PPP1R12C: variants seen among roughly 807,000 people sequenced by gnomAD.
PPP1R12C encodes leukocyte receptor cluster (LRC) encoded novel gene 3.
Under a neutral mutation model 95.6 loss-of-function variants are expected in PPP1R12C, and 48 were observed. The observed-to-expected ratio is 0.50, with a 90% CI of 0.40 to 0.64. The LOEUF (loss-of-function observed/expected upper bound fraction) is 0.64. Ranked by LOEUF, PPP1R12C falls within the 30% of genes least tolerant of loss-of-function variation. PPP1R12C has a pLI of 0.00. For synonymous variants in PPP1R12C, 480 were observed against 460.8 expected, an observed-to-expected ratio of 1.04 and a Z score of -0.53; for missense variants, 1,057 against 1,083.3, an observed-to-expected ratio of 0.98 and a Z score of 0.34.
In PPP1R12C at chr19:55,109,851, G is replaced by A. The variant is rs563177017; in HGVS notation, c.571+2616C>T. The stretch of plus-strand genomic sequence containing the variant: ...CCCTCTGAGGCTCCTGTGTGGAGCC[G>A]GGTGTCACAGGGTGTCACAGGCAGT... On this transcript the variant is annotated intron_variant, in intron 3 of 21. Coordinates refer to ENST00000263433, the MANE Select transcript of PPP1R12C (RefSeq NM_017607.4). The surrounding 1 kb of genome is among the most constrained non-coding windows in gnomAD (Gnocchi z 4.4). 9.9e-5 allele frequency among the ~76,000 whole-genome samples: 15 copies of A among 152,098 alleles called. No individual in the cohort carries two copies. The East Asian group carries it at 1.4e-3, about 14-fold the overall frequency.
Position 55,092,678 on chromosome 19 carries a change from C to CG in PPP1R12C, c.1912-17dup. 1.3e-6 allele frequency: 2 copies of CG among 1,528,328 alleles called. No individual in the cohort carries two copies. The highest frequency in any genetic ancestry group is 1.8e-6 in the Non-Finnish European group (2 of 1,139,194). 94.7% of individuals were successfully genotyped at this position (1,528,328 alleles called of 1,614,324 possible). A position where few individuals can be genotyped will look rare whatever the true frequency, so the allele number is the denominator to read the frequency against. On this transcript the variant is annotated splice_polypyrimidine_tract_variant and intron_variant, in intron 16 of 21. Transcript: ENST00000263433. The stretch of plus-strand genomic sequence containing the variant: ...CCTCCTCCCCCTGTGGGCAGGTAGA[C>CG]GGGGGTTCAATGGGTATGGGAGGGA...
At position 55,092,813 on chromosome 19, in the gene PPP1R12C, C is replaced by T. The variant is rs1427094794; in HGVS notation, c.1881G>A (p.Lys627=). 1.2e-5 allele frequency: 18 copies of T among 1,563,740 alleles called. No homozygotes were observed. Among genetic ancestry groups the T allele is most frequent in the East Asian group, 2.4e-5 (1 of 41,782 alleles). The change falls in exon 16 of 22, where the codon AAG becomes AAA. Residue 627 remains lysine (K), a synonymous_variant. Transcript: ENST00000263433. ...CAGGCCCCCTCCACTCCTTTCCGAC[C>T]TTGCGGTGCTCCCTGGCCGCCTGCG... ...PGPQAAREHR[K]VGKEWRGPAE...
At chr19:55,105,869 G>A (rs563874705) in intron 3 of PPP1R12C, among the ~76,000 whole-genome samples, 198 of 151,882 alleles carry the variant, frequency 1.3e-3, no homozygotes, top group Non-Finnish European at 2.3e-3. Context: ...TTGGGCCCAC[G>A]AGGTCAAGGC....
intron 6 of PPP1R12C, among the ~76,000 whole-genome samples, 165 bp downstream of exon 6, chr19:55,098,619 G>C (rs988990880): frequency 2.6e-5 from 4 of 152,236 alleles, no homozygotes; most frequent in Non-Finnish European, 4.4e-5. Context: ...CCCGGCTGGG[G>C]GTCTCTCCTG....
chr19:55,094,806 A>G lies in PPP1R12C; in HGVS notation c.1455-8T>C, dbSNP rs1212489169. ...GGCTTGGTGACCTCAGACCTGCATC[A>G]ATTCATTCATTCCACAAACATTACC... On this transcript the variant is annotated splice_region_variant and splice_polypyrimidine_tract_variant and intron_variant, in intron 11 of 21. Transcript: ENST00000263433. 2.0e-5 allele frequency: 32 copies of G among 1,585,132 alleles called. No homozygotes were observed. Among genetic ancestry groups the G allele is most frequent in the Admixed American group, 1.3e-4 (7 of 54,222 alleles).
intron 6 of PPP1R12C, among the ~76,000 whole-genome samples, chr19:55,097,663 G>A (rs2084937513): frequency 6.9e-6 from 1 of 145,832 alleles, no homozygotes; most frequent in African/African-American, 2.6e-5. Flanking sequence ...GTTCACCACC[G>A]TCTTCGCCCC....
intron 3 of PPP1R12C, among the ~76,000 whole-genome samples, chr19:55,104,362 T>G (rs994622626): frequency 2.6e-5 from 4 of 151,012 alleles, no homozygotes; most frequent in African/African-American, 9.7e-5. Context: ...GTAACATATA[T>G]AGACAGAAGT....
At chr19:55,113,733 T>C (rs1159255867) in intron 1 of PPP1R12C, 3 of 557,026 alleles carry the variant, frequency 5.4e-6, no homozygotes, top group Non-Finnish European at 7.9e-6. Context: ...CATGAGGTCA[T>C]GGAAACTCGG....
At chr19:55,097,747 C>A (rs899789937) in intron 6 of PPP1R12C, among the ~76,000 whole-genome samples, 1 of 152,230 alleles carries the variant, frequency 6.6e-6, no homozygotes, top group Non-Finnish European at 1.5e-5. Context: ...TTCTAGCAAA[C>A]TCTTAGTGCT....
Position 55,117,606 on chromosome 19 carries a change from C to T in PPP1R12C, c.-63G>A, listed in dbSNP as rs1349656866. On this transcript the variant is annotated 5_prime_UTR_variant, in exon 1 of 22. Transcript: ENST00000263433. ...AGCCCCAACCGCCGCCACCACCCGC[C>T]CGCCCGCCCGCCCCGGGGGCCGCCG... 2 of 937,678 alleles carry T rather than the reference C, an allele frequency of 2.1e-6. No individual in the cohort carries two copies. Among genetic ancestry groups the T allele is most frequent in the African/African-American group, 1.8e-5 (1 of 55,094 alleles). The allele number at this position is 937,678 out of a possible 1,614,324, so 58.1% of individuals were successfully genotyped here.
At chr19:55,092,734 C>A (rs1483932435) in intron 16 of PPP1R12C, 49 bp downstream of exon 16, 7 of 1,530,924 alleles carry the variant, frequency 4.6e-6, no homozygotes, top group Non-Finnish European at 6.2e-6. Flanking sequence ...GCTTTGCCCG[C>A]CCCCCGGCCC....
At chr19:55,092,153 C>T in intron 19 of PPP1R12C, 69 bp downstream of exon 19, 1 of 1,397,326 alleles carries the variant, frequency 7.2e-7, no homozygotes. Context: ...CAGGCTCTAC[C>T]TCCCAGCAGT....
chr19:55,105,458 T>C (rs2085028113), intron 3 of PPP1R12C, among the ~76,000 whole-genome samples: 2 of 150,468 alleles, frequency 1.3e-5, no homozygotes, highest in Non-Finnish European at 3.0e-5. Flanking sequence ...CTTGTGGGTG[T>C]TGACCACCTG....
Position 55,095,922 on chromosome 19 carries a change from G to C in PPP1R12C, c.1172C>G (p.Pro391Arg). ...EGPTEPPPAE[P>R]RTLNGVSSPP... is the part of the protein sequence containing the mutation. ...GGAGGAGACGCCATTGAGGGTTCTGGGTTCTGCAGGGGGTGGTTCTGTGAT... is the reference window on the plus strand; with the variant it reads ...GGAGGAGACGCCATTGAGGGTTCTGCGTTCTGCAGGGGGTGGTTCTGTGAT... The change falls in exon 9 of 22, where the codon CCC becomes CGC. Residue 391 changes from proline to arginine, a missense_variant. Physicochemically the swap from Pro to Arg is moderately radical, Grantham distance 103 (BLOSUM62 -2). Coordinates refer to ENST00000263433, the MANE Select transcript of PPP1R12C (RefSeq NM_017607.4). The C allele has an allele frequency of 6.2e-7, 1 of 1,613,262 alleles. No homozygotes were observed. Among genetic ancestry groups the C allele is most frequent in the Non-Finnish European group, 8.5e-7 (1 of 1,179,918 alleles).
At position 55,109,762 on chromosome 19, in the gene PPP1R12C, G is replaced by A. The variant is rs1377536131; in HGVS notation, c.571+2705C>T. Among the ~76,000 whole-genome samples, 2 of 152,216 alleles carry A rather than the reference G, an allele frequency of 1.3e-5. No homozygotes were observed. Among genetic ancestry groups the A allele is most frequent in the Non-Finnish European group, 2.9e-5 (2 of 68,040 alleles). On this transcript the variant is annotated intron_variant, in intron 3 of 21. Coordinates refer to ENST00000263433, the MANE Select transcript of PPP1R12C (RefSeq NM_017607.4). The surrounding 1 kb of genome is among the most constrained non-coding windows in gnomAD (Gnocchi z 4.4). ...CATGTGGGCGTGTCCTGCAGGGGGTGCAAAAGACCCGCCCTCCTTAGAGCT... is the reference window on the plus strand; with the variant it reads ...CATGTGGGCGTGTCCTGCAGGGGGTACAAAAGACCCGCCCTCCTTAGAGCT...
At chr19:55,108,720 GT>G (rs1454596238) in intron 3 of PPP1R12C, among the ~76,000 whole-genome samples, 2 of 151,950 alleles carry the variant, frequency 1.3e-5, no homozygotes, top group Non-Finnish European at 2.9e-5. Context: ...TTTGTTTTTT[GT>G]TTTGAGACAC....
Position 55,117,325 on chromosome 19 carries a change from G to C in PPP1R12C, c.219C>G (p.Ala73=). The part of the protein sequence containing the change: ...DLDEARLMLR[A]ADPGPGAELD... ...GCTCGGCGCCGGGGCCAGGGTCGGC[G>C]GCGCGCAGCATCAGACGCGCCTCGT... is the stretch of plus-strand genomic sequence containing the variant. Residue 73 remains alanine, a synonymous_variant, in exon 1 of 22, where the codon GCC becomes GCG. Transcript: ENST00000263433. 28 of 1,178,948 alleles carry C rather than the reference G, an allele frequency of 2.4e-5. No individual in the cohort carries two copies. The highest frequency in any genetic ancestry group is 2.9e-5 in the Non-Finnish European group (28 of 955,498). 73.0% of individuals were successfully genotyped at this position (1,178,948 alleles called of 1,614,324 possible).
chr19:55,092,146 G>A, intron 19 of PPP1R12C, 76 bp downstream of exon 19: 3 of 1,355,386 alleles, frequency 2.2e-6, no homozygotes, highest in South Asian at 1.3e-5. Flanking sequence ...CCCAGGCCAG[G>A]CTCTACCTCC....
chr19:55,102,281 A>G (rs1292787604), intron 4 of PPP1R12C, among the ~76,000 whole-genome samples: 2 of 152,240 alleles, frequency 1.3e-5, no homozygotes, highest in Non-Finnish European at 2.9e-5. Flanking sequence ...TGGAAGACTG[A>G]GGCAGGGAGA....
Sources: allele counts gnomAD v4.1 joint callset (sites outside exome capture counted in the v4.1 genomes callset), GRCh38; gene constraint gnomAD v4.1.1; non-coding constraint Gnocchi (gnomAD v3.1); transcripts MANE v1.5; gene names NCBI Gene and HGNC (gene_info 2026-07-23, HGNC 2026-07-21).